Variants in SARAF observed in about 807,000 individuals in gnomAD.
SARAF encodes the protein store-operated calcium entry associated regulatory factor, also known as store-operated calcium entry-associated regulatory factor.
A neutral mutation model predicts 39.7 loss-of-function variants in SARAF; 23 were observed. That is an observed-to-expected ratio of 0.58 (90% CI 0.42 to 0.82). The LOEUF is 0.82. Among genes scored for constraint, SARAF ranks in the 40% least tolerant of loss-of-function variants. The probability of loss-of-function intolerance (pLI) is 0.00; values close to 1 mark genes in which losing one functional copy is unlikely to be tolerated. For synonymous variants in SARAF, 175 were observed against 168.5 expected (o/e 1.04, Z -0.30); for missense variants, 384 against 418.5 (o/e 0.92, Z 0.72).
chr8:30,064,546 TATATA>T (rs1801628829), intron 5 of SARAF, among the ~76,000 whole-genome samples: 7 of 46,850 alleles, frequency 1.5e-4, no homozygotes, highest in South Asian at 6.7e-4. Context: ...TATATATATA[TATATA>T]TATATATATA....
intron 1 of SARAF, among the ~76,000 whole-genome samples, chr8:30,080,183 C>T (rs1214490550): frequency 6.6e-6 from 1 of 152,214 alleles, no homozygotes; most frequent in African/African-American, 2.4e-5. Context: ...CTAACCAGCT[C>T]TCTACTGCTC....
In SARAF at chr8:30,073,960, C is replaced by T. The variant is rs368401136; in HGVS notation, c.199G>A (p.Val67Ile). 8.1e-6 allele frequency: 13 copies of T among 1,614,212 alleles called. 1 individual carries two copies. In the African/African-American group the frequency reaches 1.3e-4, roughly 17 times the overall value. Residue 67 changes from valine to isoleucine, a missense_variant, in exon 2 of 6, where the codon GTT becomes ATT. Transcript: ENST00000256255. ...RLDPIPQLKC[V>I]GGTAGCDSYT... is the part of the protein sequence containing the mutation. ...GAATCACAACCAGCTGTGCCTCCAA[C>T]ACATTTCAACTGTGGGATGGGATCC...
At chr8:30,065,331 T>C (rs1036851374) in intron 5 of SARAF, among the ~76,000 whole-genome samples, 5 of 152,228 alleles carry the variant, frequency 3.3e-5, no homozygotes, top group African/African-American at 1.2e-4. Flanking sequence ...GTTTTTTTAA[T>C]TGAATGTATC....
At chr8:30,064,551 A>ATTTTTTTTTTTTT (rs1387887357) in intron 5 of SARAF, among the ~76,000 whole-genome samples, 4 of 46,130 alleles carry the variant, frequency 8.7e-5, no homozygotes, top group Admixed American at 3.0e-4. Context: ...ATATATATAT[A>ATTTTTTTTTTTTT]TATATATATA....
At chr8:30,079,210 C>A (rs1329067452) in intron 1 of SARAF, among the ~76,000 whole-genome samples, 28 of 133,546 alleles carry the variant, frequency 2.1e-4, no homozygotes, top group Admixed American at 7.3e-5. Context: ...GGAATTGGAA[C>A]AGAGACAAGG....
At chr8:30,070,109 TTAATATA>T (rs754857580) in intron 2 of SARAF, 50 bp from the exon 3 acceptor site, 1 of 1,472,398 alleles carries the variant, frequency 6.8e-7, no homozygotes, top group South Asian at 1.3e-5. Flanking sequence ...TTTTTTTCAT[TTAATATA>T]TGTTACTTGG....
At chr8:30,064,561 A>ATATATATAT (rs1423689069) in intron 5 of SARAF, among the ~76,000 whole-genome samples, 1 of 46,226 alleles carries the variant, frequency 2.2e-5, no homozygotes, top group African/African-American at 1.1e-4. Flanking sequence ...ATATATATAT[A>ATATATATAT]TTTTTTTTTT....
intron 5 of SARAF, 23 bp downstream of exon 5, chr8:30,065,965 G>A: frequency 6.5e-7 from 1 of 1,548,878 alleles, no homozygotes; most frequent in Non-Finnish European, 8.8e-7. Flanking sequence ...TAGGTAAAAG[G>A]AACTTGTATT....
chr8:30,064,711 T>A (rs1801644056), intron 5 of SARAF, among the ~76,000 whole-genome samples: 1 of 151,458 alleles, frequency 6.6e-6, no homozygotes, highest in African/African-American at 2.4e-5. Context: ...TACAGGCATG[T>A]GCCACTACAC....
chr8:30,080,344 A>G (rs937311044), intron 1 of SARAF, among the ~76,000 whole-genome samples: 2 of 152,190 alleles, frequency 1.3e-5, no homozygotes, highest in East Asian at 1.9e-4. Context: ...CTTTAAAGAT[A>G]TAAGTAATTT....
Position 30,072,693 on chromosome 8 carries a change from A to G in SARAF, c.282+1184T>C, listed in dbSNP as rs193033268. ...GGCCTCTCTCCTGCTACTAAACATA[A>G]GCCAATGTATGATATGCTCAACACT... is the stretch of plus-strand genomic sequence containing the variant. On this transcript the variant is annotated intron_variant, in intron 2 of 5. Coordinates refer to ENST00000256255, the MANE Select transcript of SARAF (RefSeq NM_016127.6). Among the ~76,000 whole-genome samples, 407 of 152,260 alleles carry G rather than the reference A, an allele frequency of 2.7e-3. 5 individuals are homozygous for G. The highest frequency in any genetic ancestry group is 6.8e-3 in the East Asian group (35 of 5,182).
At chr8:30,074,300 C>A (rs1166609019) in intron 1 of SARAF, among the ~76,000 whole-genome samples, 3 of 152,202 alleles carry the variant, frequency 2.0e-5, no homozygotes, top group Non-Finnish European at 4.4e-5. Context: ...AGTTGTACAT[C>A]ATTTTTGCTA....
Position 30,070,045 on chromosome 8 carries a change from C to T in SARAF, c.297G>A (p.Thr99=), listed in dbSNP as rs939567397. 1.2e-5 allele frequency: 20 copies of T among 1,604,016 alleles called. No individual in the cohort carries two copies. In the East Asian group the frequency reaches 3.1e-4, roughly 25 times the overall value. ...DGYDVQWECK[T]DLDIAYKFGK... ...CAAATTTGTATGCAATATCTAAGTC[C>T]GTCTTACATTCCCACTGTGAAGAAA... The change falls in exon 3 of 6, where the codon ACG becomes ACA. Residue 99 remains threonine, a synonymous_variant. Transcript: ENST00000256255.
intron 5 of SARAF, among the ~76,000 whole-genome samples, chr8:30,064,561 A>ATATATATATATATATTTTTTTTTTTTT (rs1423689069): frequency 2.2e-5 from 1 of 46,234 alleles, no homozygotes. Context: ...ATATATATAT[A>ATATATATATATATATTTTTTTTTTTTT]TTTTTTTTTT....
At chr8:30,065,466 C>G (rs1189741588) in intron 5 of SARAF, among the ~76,000 whole-genome samples, 1 of 152,206 alleles carries the variant, frequency 6.6e-6, no homozygotes, top group East Asian at 1.9e-4. Flanking sequence ...AAAGACAAAG[C>G]TACTCCAGAG....
chr8:30,063,931 A>C lies in SARAF; in HGVS notation c.995-18T>G, dbSNP rs760033953. 2.0e-6 allele frequency: 3 copies of C among 1,530,684 alleles called. No individual in the cohort carries two copies. Among genetic ancestry groups the C allele is most frequent in the Non-Finnish European group, 2.7e-6 (3 of 1,122,258 alleles). 94.8% of individuals were successfully genotyped at this position (1,530,684 alleles called of 1,614,324 possible). A position where few individuals can be genotyped will look rare whatever the true frequency, so the allele number is the denominator to read the frequency against. On this transcript the variant is annotated intron_variant, in intron 5 of 5. Transcript: ENST00000256255. ...ACCATATCCTAGAATGAGAGGGGTA[A>C]AATTTACATTAGTTTTTAAAAATGC...
At position 30,063,866 on chromosome 8, in the gene SARAF, T is replaced by G. The variant is rs1453805440; in HGVS notation, c.*22A>C. On this transcript the variant is annotated 3_prime_UTR_variant, in exon 6 of 6. Coordinates refer to ENST00000256255, the MANE Select transcript of SARAF (RefSeq NM_016127.6). ...AAAAATCCAAAATTTCTGCATCCAG[T>G]GTTTGACTCCAACTTTCTACTTTAT... 6.2e-7 allele frequency: 1 copy of G among 1,611,736 alleles called. No individual in the cohort carries two copies. The highest frequency in any genetic ancestry group is 1.3e-5 in the African/African-American group (1 of 74,874).
chr8:30,072,198 T>C (rs57156946), intron 2 of SARAF, among the ~76,000 whole-genome samples: 12,091 of 152,228 alleles, frequency 0.079, 607 homozygotes, highest in African/African-American at 0.13. Context: ...TGATGGCTAA[T>C]AATAAGGAAC....
At chr8:30,079,260 T>C (rs1802046840) in intron 1 of SARAF, among the ~76,000 whole-genome samples, 1 of 150,748 alleles carries the variant, frequency 6.6e-6, no homozygotes, top group Admixed American at 6.6e-5. Context: ...TAAATCAAGA[T>C]ACATTTGGGA....
Sources: gnomAD v4.1 joint callset for allele counts (sites outside exome capture counted in the v4.1 genomes callset) on GRCh38, gnomAD v4.1.1 for gene constraint, MANE v1.5 for transcripts, NCBI Gene and HGNC (gene_info 2026-07-23, HGNC 2026-07-21) for gene names.